Variants in TMTC2 observed in about 807,000 individuals in gnomAD.
The protein encoded by TMTC2 is transmembrane O-mannosyltransferase targeting cadherins 2, also known as protein O-mannosyl-transferase TMTC2.
Under a neutral mutation model 82.4 loss-of-function variants are expected in TMTC2, and 43 were observed. That is an observed-to-expected ratio of 0.52 (90% CI 0.41 to 0.67). The LOEUF (loss-of-function observed/expected upper bound fraction) is 0.67. TMTC2 is among the 30% of genes least tolerant of loss of function. The pLI is 0.00. For synonymous variants in TMTC2, 408 were observed against 381.9 expected, an observed-to-expected ratio of 1.07 and a Z score of -0.80; for missense variants, 919 against 1,012.4, an observed-to-expected ratio of 0.91 and a Z score of 1.25.
rs140708741 is a variant in TMTC2 at position 82,768,774 on chromosome 12, A to G, written c.83+81105A>G. Among the ~76,000 whole-genome samples, 228 of 152,122 alleles carry G rather than the reference A, an allele frequency of 1.5e-3. 1 individual carries two copies. The highest frequency in any genetic ancestry group is 3.4e-3 in the African/African-American group (143 of 41,496). On this transcript the variant is annotated intron_variant, in intron 1 of 11. Transcript: ENST00000321196. ...ATTACAGTTGGGGTTCCGAGAGCCTATAGTATTTTTTTTCAGTTAAGGCAG... is the reference window on the plus strand; with the variant it reads ...ATTACAGTTGGGGTTCCGAGAGCCTGTAGTATTTTTTTTCAGTTAAGGCAG...
At chr12:82,884,835 A>C (rs779258786) in intron 2 of TMTC2, among the ~76,000 whole-genome samples, 1 of 152,010 alleles carries the variant, frequency 6.6e-6, no homozygotes, top group African/African-American at 2.4e-5. Context: ...GTCAGCTGGG[A>C]TGGCACATTT....
chr12:82,984,504 G>C (rs1879071019), intron 7 of TMTC2, among the ~76,000 whole-genome samples: 1 of 152,066 alleles, frequency 6.6e-6, no homozygotes, highest in Admixed American at 6.5e-5. Flanking sequence ...TTCTTCCTTT[G>C]AAGCAAAAAC....
rs115248043 is a variant in TMTC2 at position 83,113,036 on chromosome 12, G to T, written c.2332-19174G>T. 3.5e-3 allele frequency among the ~76,000 whole-genome samples: 530 copies of T among 152,210 alleles called. 4 individuals are homozygous for T. The highest frequency in any genetic ancestry group is 0.012 in the African/African-American group (509 of 41,526). ...TGTTCTGCCTTCTTTTTCAAGTTTG[G>T]TTTTGGTTGTTATTTGTGAGTATGG... On this transcript the variant is annotated intron_variant, in intron 11 of 11. Transcript: ENST00000321196.
chr12:82,832,528 C>T (rs1005304453), intron 1 of TMTC2, among the ~76,000 whole-genome samples: 2 of 151,960 alleles, frequency 1.3e-5, no homozygotes, highest in African/African-American at 4.8e-5. Context: ...TATATTTTGT[C>T]CTGTGTAATA....
rs559568417 is a variant in TMTC2 at position 83,025,425 on chromosome 12, AT to A, written c.2071-5370del. On this transcript the variant is annotated intron_variant, in intron 8 of 11. Coordinates refer to ENST00000321196, the MANE Select transcript of TMTC2 (RefSeq NM_152588.3). Reference sequence around the variant, plus strand: ...ACATATAAATGTATTATATATTTATATTTATGTATAGTAGAAAAACATTATT... The same window carrying A: ...ACATATAAATGTATTATATATTTATATTATGTATAGTAGAAAAACATTATT... Among the ~76,000 whole-genome samples the A allele has an allele frequency of 2.4e-3, 359 of 150,980 alleles. 2 individuals are homozygous for A. Among genetic ancestry groups the A allele is most frequent in the African/African-American group, 8.3e-3 (344 of 41,314 alleles).
chr12:82,999,248 T>C (rs980843966), intron 8 of TMTC2, among the ~76,000 whole-genome samples: 3 of 152,192 alleles, frequency 2.0e-5, no homozygotes, highest in African/African-American at 7.2e-5. Context: ...ATATATTTTG[T>C]AGAATGTTCC....
At chr12:82,964,774 G>C (rs934607177) in intron 4 of TMTC2, among the ~76,000 whole-genome samples, 3 of 152,162 alleles carry the variant, frequency 2.0e-5, no homozygotes, top group Non-Finnish European at 2.9e-5. Context: ...GGAAAGTTCA[G>C]TGGTGGTAAA....
chr12:82,864,897 C>A (rs969100021), intron 2 of TMTC2, among the ~76,000 whole-genome samples: 1 of 150,960 alleles, frequency 6.6e-6, no homozygotes, highest in South Asian at 2.1e-4. Context: ...TTCTACAGTC[C>A]TCATAAGAAA....
chr12:83,122,519 A>G (rs916035277), intron 11 of TMTC2, among the ~76,000 whole-genome samples: 5 of 152,012 alleles, frequency 3.3e-5, no homozygotes, highest in African/African-American at 1.2e-4. Context: ...CTAGCCCTGT[A>G]TTTCACTCAG....
chr12:83,084,492 C>T (rs1883581491), intron 11 of TMTC2, among the ~76,000 whole-genome samples: 1 of 151,738 alleles, frequency 6.6e-6, no homozygotes, highest in Admixed American at 6.6e-5. Flanking sequence ...GGTGATTTGC[C>T]CTATATAAGA....
At chr12:82,895,373 C>T (rs1873606001) in intron 2 of TMTC2, among the ~76,000 whole-genome samples, 1 of 152,104 alleles carries the variant, frequency 6.6e-6, no homozygotes, top group African/African-American at 2.4e-5. Context: ...GACATGACTA[C>T]TTTTTGTTTT....
At chr12:82,903,649 G>A (rs1874147318) in intron 3 of TMTC2, among the ~76,000 whole-genome samples, 2 of 152,210 alleles carry the variant, frequency 1.3e-5, no homozygotes, top group Admixed American at 1.3e-4. Flanking sequence ...TCCTGACCTC[G>A]TGATTCACCC....
chr12:82,947,501 C>T (rs1877079612), intron 4 of TMTC2, among the ~76,000 whole-genome samples: 1 of 149,682 alleles, frequency 6.7e-6, no homozygotes. Flanking sequence ...CGCCACCATG[C>T]CCGGCTAATT....
intron 9 of TMTC2, among the ~76,000 whole-genome samples, chr12:83,045,728 C>CACACACACACACACACACACACAT (rs1882087606): frequency 8.8e-6 from 1 of 113,938 alleles, no homozygotes; most frequent in African/African-American, 3.1e-5. Context: ...CACACACACG[C>CACACACACACACACACACACACAT]ACACACACAC....
rs2137180494 is a variant in TMTC2, at chr12:82,896,186, T to G, written c.1023T>G (p.Thr341=). ...PSVDRECNGK[T]VTNGKQNANG... is the part of the protein sequence containing the mutation. ...TAGACAGAGAATGCAATGGGAAAACTGTAACAAATGGCAAGCAGAATGCAA... is the reference window on the plus strand; with the variant it reads ...TAGACAGAGAATGCAATGGGAAAACGGTAACAAATGGCAAGCAGAATGCAA... Residue 341 remains threonine, a synonymous_variant, in exon 3 of 12, where the codon ACT becomes ACG. Coordinates refer to ENST00000321196, the MANE Select transcript of TMTC2 (RefSeq NM_152588.3). The G allele has an allele frequency of 1.2e-6, 2 of 1,613,998 alleles. No individual in the cohort carries two copies. The highest frequency in any genetic ancestry group is 2.2e-5 in the East Asian group (1 of 44,864).
At chr12:82,911,958 A>G (rs1264821217) in intron 3 of TMTC2, among the ~76,000 whole-genome samples, 2 of 152,182 alleles carry the variant, frequency 1.3e-5, no homozygotes, top group Admixed American at 6.5e-5. Context: ...TTAGAACAAC[A>G]AAAACATCAT....
intron 4 of TMTC2, among the ~76,000 whole-genome samples, chr12:82,947,434 C>T (rs1877075317): frequency 6.6e-6 from 1 of 150,962 alleles, no homozygotes; most frequent in Admixed American, 6.6e-5. Flanking sequence ...GCTCCGCCTT[C>T]CGGGTTCACG....
intron 1 of TMTC2, among the ~76,000 whole-genome samples, chr12:82,757,980 T>C (rs1876430576): frequency 6.6e-6 from 1 of 152,180 alleles, no homozygotes; most frequent in Admixed American, 6.5e-5. Context: ...ATCAAAACCC[T>C]TGACTATTTT....
intron 1 of TMTC2, among the ~76,000 whole-genome samples, chr12:82,739,149 A>T (rs1237923297): frequency 2.5e-3 from 20 of 8,156 alleles, no homozygotes; most frequent in African/African-American, 3.6e-3. Context: ...CTCTGTCTTA[A>T]AAAAAAAAAA....
Sources: allele counts gnomAD v4.1 joint callset (sites outside exome capture counted in the v4.1 genomes callset), GRCh38; gene constraint gnomAD v4.1.1; transcripts MANE v1.5; gene names NCBI Gene and HGNC (gene_info 2026-07-23, HGNC 2026-07-21).